Variants in RHOJ observed in about 807,000 individuals in gnomAD.
RHOJ encodes rho-related GTP-binding protein RhoJ.
RHOJ carries 11 observed loss-of-function variants against 23.4 expected under a neutral mutation model. The observed-to-expected ratio is 0.47, with a 90% confidence interval of 0.30 to 0.78. The LOEUF is 0.78. Among genes scored for constraint, RHOJ ranks in the 30% least tolerant of loss-of-function variants. The probability of loss-of-function intolerance (pLI) is 0.08; values close to 1 mark genes in which losing one functional copy is unlikely to be tolerated. For synonymous variants in RHOJ, 102 were observed against 102.7 expected, an observed-to-expected ratio of 0.99 and a Z score of 0.04; for missense variants, 254 against 273.4, an observed-to-expected ratio of 0.93 and a Z score of 0.50.
chr14:63,253,498 C>A (rs978042711), intron 1 of RHOJ, among the ~76,000 whole-genome samples: 2 of 151,996 alleles, frequency 1.3e-5, no homozygotes, highest in African/African-American at 4.8e-5. Context: ...CCCAAAGTGC[C>A]GGGATTGCAG....
intron 1 of RHOJ, among the ~76,000 whole-genome samples, chr14:63,215,783 T>C (rs1184956187): frequency 1.3e-5 from 2 of 152,224 alleles, no homozygotes; most frequent in Non-Finnish European, 2.9e-5. Flanking sequence ...TAATTTTCCA[T>C]GGCTTGTCTC....
chr14:63,234,716 G>C lies in RHOJ; in HGVS notation c.178+29669G>C, dbSNP rs559581045. 1.1e-4 allele frequency among the ~76,000 whole-genome samples: 17 copies of C among 152,080 alleles called. No individual in the cohort carries two copies. In the South Asian group the frequency reaches 3.3e-3, roughly 30 times the overall value. ...CATTAACATAATTTTTCTCACTTTTGACTTTTCACATATATTTTTTCCAAA... is the reference window on the plus strand; with the variant it reads ...CATTAACATAATTTTTCTCACTTTTCACTTTTCACATATATTTTTTCCAAA... On this transcript the variant is annotated intron_variant, in intron 1 of 4. Transcript: ENST00000316754.
chr14:63,243,838 CT>C (rs1172707649), intron 1 of RHOJ, among the ~76,000 whole-genome samples: 1 of 151,554 alleles, frequency 6.6e-6, no homozygotes, highest in African/African-American at 2.4e-5. Flanking sequence ...GAATGGTGAA[CT>C]TTTTTTTTAA....
intron 1 of RHOJ, among the ~76,000 whole-genome samples, chr14:63,219,685 G>A (rs1415884958): frequency 1.3e-5 from 2 of 152,012 alleles, no homozygotes; most frequent in African/African-American, 2.4e-5. Context: ...GTGTGCTGGC[G>A]CATGCCTGTG....
intron 1 of RHOJ, among the ~76,000 whole-genome samples, chr14:63,206,854 C>T (rs1894121248): frequency 6.6e-6 from 1 of 152,170 alleles, no homozygotes; most frequent in African/African-American, 2.4e-5. Flanking sequence ...AGCCACTATA[C>T]TCAGAGCAAT....
At chr14:63,238,535 G>C (rs1894829535) in intron 1 of RHOJ, among the ~76,000 whole-genome samples, 1 of 152,072 alleles carries the variant, frequency 6.6e-6, no homozygotes, top group Admixed American at 6.6e-5. Context: ...ACCCACCTCA[G>C]CTCAACCTCC....
intron 1 of RHOJ, among the ~76,000 whole-genome samples, chr14:63,241,236 A>G (rs1235150822): frequency 2.0e-5 from 3 of 152,212 alleles, no homozygotes; most frequent in Non-Finnish European, 4.4e-5. Context: ...TCAAAAATTC[A>G]GTGTCATCCT....
At position 63,283,145 on chromosome 14, in the gene RHOJ, A is replaced by T; in HGVS notation, c.427A>T (p.Thr143Ser). The T allele has an allele frequency of 6.2e-7, 1 of 1,614,090 alleles. No homozygotes were observed. The highest frequency in any genetic ancestry group is 8.5e-7 in the Non-Finnish European group (1 of 1,179,968). ...TQIDLRDDPK[T>S]LARLLYMKEK... is the part of the protein sequence containing the mutation. The stretch of plus-strand genomic sequence containing the variant: ...GATTGATCTCCGTGATGACCCAAAA[A>T]CCTTGGCCCGTTTGCTGTATATGAA... The change falls in exon 4 of 5, where the codon ACC becomes TCC. Residue 143 changes from threonine (T) to serine (S), a missense_variant. By Grantham distance (58) the Thr-to-Ser change is moderately conservative. Transcript: ENST00000316754.
intron 1 of RHOJ, among the ~76,000 whole-genome samples, chr14:63,264,879 GAATTA>G: frequency 6.6e-6 from 1 of 152,132 alleles, no homozygotes; most frequent in Middle Eastern, 3.4e-3. Flanking sequence ...TTTGCTTCTT[GAATTA>G]AATTCCTTAT....
At chr14:63,212,377 T>G (rs1189778792) in intron 1 of RHOJ, among the ~76,000 whole-genome samples, 1 of 152,064 alleles carries the variant, frequency 6.6e-6, no homozygotes, top group Non-Finnish European at 1.5e-5. Flanking sequence ...CCTTGCACAT[T>G]TTTTCCCACA....
chr14:63,255,956 A>G (rs778347512), intron 1 of RHOJ, among the ~76,000 whole-genome samples: 6 of 151,622 alleles, frequency 4.0e-5, no homozygotes, highest in Non-Finnish European at 7.4e-5. Flanking sequence ...GCAGTCTCCA[A>G]CTCCCGGGCT....
At chr14:63,288,500 C>T (rs562644424) in intron 4 of RHOJ, among the ~76,000 whole-genome samples, 115 of 152,348 alleles carry the variant, frequency 7.5e-4, no homozygotes, top group Non-Finnish European at 1.3e-3. Context: ...AACGCTGTTG[C>T]CATTAGATTA....
At chr14:63,277,384 A>G (rs937592766) in intron 2 of RHOJ, among the ~76,000 whole-genome samples, 4 of 151,904 alleles carry the variant, frequency 2.6e-5, no homozygotes, top group African/African-American at 9.7e-5. Flanking sequence ...CGTGTTCTCA[A>G]CTCCAGGTCC....
At chr14:63,261,981 T>A (rs1469446417) in intron 1 of RHOJ, among the ~76,000 whole-genome samples, 2 of 152,326 alleles carry the variant, frequency 1.3e-5, no homozygotes, top group East Asian at 1.9e-4. Flanking sequence ...CAGTCAGGCA[T>A]GCCTCATTCT....
chr14:63,242,960 A>G (rs1894910336), intron 1 of RHOJ, among the ~76,000 whole-genome samples: 1 of 151,392 alleles, frequency 6.6e-6, no homozygotes, highest in Non-Finnish European at 1.5e-5. Context: ...TCAGATCAAT[A>G]TGTTGTGTCA....
chr14:63,227,506 A>C (rs753185653), intron 1 of RHOJ, among the ~76,000 whole-genome samples: 1 of 152,230 alleles, frequency 6.6e-6, no homozygotes, highest in Non-Finnish European at 1.5e-5. Context: ...AGTCTAGTTC[A>C]AGTTTATATA....
intron 1 of RHOJ, among the ~76,000 whole-genome samples, chr14:63,235,307 A>G (rs1436228506): frequency 6.7e-6 from 1 of 149,892 alleles, no homozygotes; most frequent in Non-Finnish European, 1.5e-5. Flanking sequence ...CCTGATTTTA[A>G]AAAGAAAAAA....
chr14:63,204,875 C>G lies in RHOJ; in HGVS notation c.6C>G (p.Asn2Lys). 4 of 1,612,890 alleles carry G rather than the reference C, an allele frequency of 2.5e-6. No individual in the cohort carries two copies. Among genetic ancestry groups the G allele is most frequent in the Non-Finnish European group, 2.5e-6 (3 of 1,179,454 alleles). The part of the protein sequence containing the change: M[N>K]CKEGTDSSCG... ...CAGCAGCTGGAGCCGCAAGAATGAA[C>G]TGCAAAGAGGGAACTGACAGCAGCT... The change falls in exon 1 of 5, where the codon AAC becomes AAG. Residue 2 changes from asparagine (N) to lysine (K), a missense_variant. Transcript: ENST00000316754.
At chr14:63,255,276 T>C (rs1401064276) in intron 1 of RHOJ, among the ~76,000 whole-genome samples, 1 of 152,116 alleles carries the variant, frequency 6.6e-6, no homozygotes. Context: ...TGGTGACTAG[T>C]GATGGGGCAA....
Sources: allele counts gnomAD v4.1 joint callset (sites outside exome capture counted in the v4.1 genomes callset), GRCh38; gene constraint gnomAD v4.1.1; transcripts MANE v1.5; gene names NCBI Gene and HGNC (gene_info 2026-07-23, HGNC 2026-07-21).